The following NSRP1 variants were observed in gnomAD, a reference collection of about 807,000 sequenced individuals.
NSRP1 encodes coiled-coil domain containing 55.
A neutral mutation model predicts 54.7 loss-of-function variants in NSRP1; 24 were observed. That is an observed-to-expected ratio of 0.44 (90% CI 0.32 to 0.62). The LOEUF (loss-of-function observed/expected upper bound fraction) is 0.62, where lower values mean the gene tolerates loss of function less well. Among genes scored for constraint, NSRP1 ranks in the 20% least tolerant of loss-of-function variants. The probability of loss-of-function intolerance (pLI) is 0.06; values close to 1 mark genes in which losing one functional copy is unlikely to be tolerated. For synonymous variants in NSRP1, 210 were observed against 213.8 expected, an observed-to-expected ratio of 0.98 and a Z score of 0.15; for missense variants, 596 against 651.2, an observed-to-expected ratio of 0.92 and a Z score of 0.92.
intron 2 of NSRP1, among the ~76,000 whole-genome samples, chr17:30,151,743 A>AT (rs1320227978): frequency 9.5e-5 from 6 of 63,124 alleles, no homozygotes; most frequent in East Asian, 4.6e-4. Context: ...AGTCAGCTGT[A>AT]TTTTTTTCCC....
chr17:30,179,362 G>A, intron 5 of NSRP1, 65 bp downstream of exon 5: 1 of 1,465,230 alleles, frequency 6.8e-7, no homozygotes, highest in Non-Finnish European at 9.0e-7. Context: ...GTGGTTAGCT[G>A]TTTGCTCTGT....
At chr17:30,153,050 G>A (rs1301763446) in intron 2 of NSRP1, among the ~76,000 whole-genome samples, 1 of 151,560 alleles carries the variant, frequency 6.6e-6, no homozygotes, top group Non-Finnish European at 1.5e-5. Flanking sequence ...CAGTAGCTGG[G>A]ATTACAGGCG....
In NSRP1 at chr17:30,185,515, GC is replaced by G. The variant is rs1905501464; in HGVS notation, c.1519del (p.Gln507LysfsTer14). ...CAAAACACAGACTCACAGAGGAAGG[GC>G]AAGAGAAGGGTAAAGAACAAGAGAG... ...GAKHRLTEEG[Q>X]EKGKEQERPP... On this transcript the variant is annotated frameshift_variant, in exon 7 of 7. Transcript: ENST00000247026. LOFTEE classifies it high-confidence loss of function. The G allele has an allele frequency of 6.2e-7, 1 of 1,614,014 alleles. No individual in the cohort carries two copies. The highest frequency in any genetic ancestry group is 1.3e-5 in the African/African-American group (1 of 74,910).
In NSRP1 at chr17:30,118,183, C is replaced by G; in HGVS notation, c.114+10C>G. ...TGATGATGATGATGAGGTAAGGAAA[C>G]CTATGTTTTACTCGTGCATGGTTGG... On this transcript the variant is annotated intron_variant, in intron 2 of 6. Transcript: ENST00000247026. 6.2e-7 allele frequency: 1 copy of G among 1,606,276 alleles called. No individual in the cohort carries two copies. The highest frequency in any genetic ancestry group is 8.5e-7 in the Non-Finnish European group (1 of 1,174,022).
intron 2 of NSRP1, among the ~76,000 whole-genome samples, chr17:30,149,095 T>C (rs928050820): frequency 6.6e-6 from 1 of 152,216 alleles, no homozygotes; most frequent in African/African-American, 2.4e-5. Flanking sequence ...TTTATAAATA[T>C]TTTGTAATTT....
intron 2 of NSRP1, among the ~76,000 whole-genome samples, chr17:30,148,923 T>C (rs775230390): frequency 4.6e-5 from 7 of 152,210 alleles, no homozygotes; most frequent in Non-Finnish European, 8.8e-5. Flanking sequence ...ATAACTAGCC[T>C]TTGATTTTGT....
chr17:30,144,180 C>CT (rs2071831114), intron 2 of NSRP1: 1 of 151,642 alleles, frequency 6.6e-6, no homozygotes. Context: ...CTTCTCCCAC[C>CT]TTTTGCTGTG....
intron 2 of NSRP1, among the ~76,000 whole-genome samples, chr17:30,157,951 G>A (rs548709179): frequency 6.4e-4 from 98 of 152,264 alleles, no homozygotes; most frequent in Middle Eastern, 3.4e-3. Context: ...ATACTGTGGT[G>A]AACATATGAG....
At chr17:30,124,735 C>T (rs2071635444) in intron 2 of NSRP1, among the ~76,000 whole-genome samples, 1 of 152,228 alleles carries the variant, frequency 6.6e-6, no homozygotes, top group African/African-American at 2.4e-5. Flanking sequence ...GAGAAAGGTT[C>T]TCCTACCTTC....
At chr17:30,120,550 C>T (rs899406618) in intron 2 of NSRP1, among the ~76,000 whole-genome samples, 2 of 151,674 alleles carry the variant, frequency 1.3e-5, no homozygotes, top group African/African-American at 2.4e-5. Context: ...TTTTTGGGAC[C>T]TTATATAGTG....
At chr17:30,175,933 G>T (rs530549624) in intron 3 of NSRP1, among the ~76,000 whole-genome samples, 1 of 152,044 alleles carries the variant, frequency 6.6e-6, no homozygotes, top group South Asian at 2.1e-4. Context: ...AACACAGGAG[G>T]TGGAGGTTGC....
intron 2 of NSRP1, among the ~76,000 whole-genome samples, chr17:30,160,888 A>G (rs1303436474): frequency 6.6e-6 from 1 of 152,196 alleles, no homozygotes; most frequent in African/African-American, 2.4e-5. Flanking sequence ...AAATATCTTC[A>G]CTTCTGAGAG....
intron 2 of NSRP1, among the ~76,000 whole-genome samples, chr17:30,121,137 C>G (rs999508661): frequency 2.0e-5 from 3 of 152,092 alleles, no homozygotes; most frequent in African/African-American, 7.2e-5. Context: ...AGGATTGGGC[C>G]AGATTGTGGA....
At chr17:30,175,430 G>GTTTTGT (rs764083906) in intron 3 of NSRP1, among the ~76,000 whole-genome samples, 92 of 151,384 alleles carry the variant, frequency 6.1e-4, no homozygotes, top group Admixed American at 1.4e-3. Context: ...GTTTTGTTTT[G>GTTTTGT]TTTTGTTTTT....
At chr17:30,141,336 T>C (rs2071803589) in intron 2 of NSRP1, among the ~76,000 whole-genome samples, 1 of 152,202 alleles carries the variant, frequency 6.6e-6, no homozygotes, top group Admixed American at 6.5e-5. Flanking sequence ...CCACATTGTG[T>C]ATTTTTTAGA....
At chr17:30,181,741 G>T (rs564388871) in intron 6 of NSRP1, among the ~76,000 whole-genome samples, 1 of 151,944 alleles carries the variant, frequency 6.6e-6, no homozygotes, top group South Asian at 2.1e-4. Context: ...TTCCTGAGTA[G>T]CTGGGACTAT....
intron 3 of NSRP1, among the ~76,000 whole-genome samples, chr17:30,175,315 T>C (rs190518302): frequency 1.7e-4 from 26 of 152,358 alleles, no homozygotes; most frequent in South Asian, 8.3e-4. Context: ...CCATCTATTA[T>C]TAATTTCTGA....
chr17:30,183,730 T>G (rs1292527249), intron 6 of NSRP1, among the ~76,000 whole-genome samples: 1 of 152,130 alleles, frequency 6.6e-6, no homozygotes, highest in Non-Finnish European at 1.5e-5. Flanking sequence ...GTAATATAAT[T>G]TTAGTATTGT....
At chr17:30,118,455 A>T (rs755807521) in intron 2 of NSRP1, among the ~76,000 whole-genome samples, 2 of 152,240 alleles carry the variant, frequency 1.3e-5, no homozygotes, top group African/African-American at 2.4e-5. Context: ...CCTAGGTATG[A>T]GTTATTAAGA....
Sources: allele counts gnomAD v4.1 joint callset (sites outside exome capture counted in the v4.1 genomes callset), GRCh38; gene constraint gnomAD v4.1.1; transcripts MANE v1.5; gene names NCBI Gene and HGNC (gene_info 2026-07-23, HGNC 2026-07-21).